Variants in CCDC38 observed in about 807,000 individuals in gnomAD.
CCDC38 encodes coiled-coil domain containing 38, also known as coiled-coil domain-containing protein 38.
Under a neutral mutation model 72.8 loss-of-function variants are expected in CCDC38, and 69 were observed. The ratio of observed to expected loss-of-function variants is 0.95; its 90% confidence interval spans 0.78 to 1.16. The LOEUF (loss-of-function observed/expected upper bound fraction) is 1.16. Ranked by LOEUF, CCDC38 falls within the 50% of genes most tolerant of loss-of-function variation. The probability of loss-of-function intolerance (pLI) is 0.00; values close to 1 mark genes in which losing one functional copy is unlikely to be tolerated. For missense variants in CCDC38, 626 were observed against 638.9 expected, an observed-to-expected ratio of 0.98 and a Z score of 0.22; for synonymous variants, 201 against 213.2, an observed-to-expected ratio of 0.94 and a Z score of 0.50.
At chr12:95,902,407 G>A (rs1242301847) in intron 5 of CCDC38, among the ~76,000 whole-genome samples, 1 of 151,898 alleles carries the variant, frequency 6.6e-6, no homozygotes, top group Non-Finnish European at 1.5e-5. Flanking sequence ...GGCAATTACT[G>A]ACCTGTCTTC....
chr12:95,915,362 GTC>G (rs1565960573), intron 4 of CCDC38, among the ~76,000 whole-genome samples: 1 of 152,238 alleles, frequency 6.6e-6, no homozygotes, highest in Non-Finnish European at 1.5e-5. Flanking sequence ...GCAACAGAGA[GTC>G]CTGCAACTAT....
chr12:95,871,918 A>T (rs1592751403), intron 14 of CCDC38, among the ~76,000 whole-genome samples: 1 of 152,144 alleles, frequency 6.6e-6, no homozygotes, highest in Non-Finnish European at 1.5e-5. Context: ...TCATGTAATT[A>T]CTTATTCATA....
chr12:95,901,548 C>T (rs1344302104), intron 5 of CCDC38, among the ~76,000 whole-genome samples: 1 of 152,066 alleles, frequency 6.6e-6, no homozygotes, highest in Non-Finnish European at 1.5e-5. Flanking sequence ...GGAATGGGCC[C>T]TGGACATTCC....
intron 15 of CCDC38, 148 bp from the exon 16 acceptor site, chr12:95,867,337 A>G: frequency 1.6e-6 from 1 of 608,776 alleles, no homozygotes. Flanking sequence ...GGGACTTATA[A>G]CCTAACGGAT....
chr12:95,869,070 T>C (rs78029503), intron 15 of CCDC38, among the ~76,000 whole-genome samples: 5,509 of 152,292 alleles, frequency 0.036, 220 homozygotes, highest in East Asian at 0.099. Flanking sequence ...TGTGTATGTA[T>C]ATTTCCAGAG....
At chr12:95,904,750 G>A (rs1406869000) in intron 5 of CCDC38, among the ~76,000 whole-genome samples, 1 of 152,186 alleles carries the variant, frequency 6.6e-6, no homozygotes, top group Non-Finnish European at 1.5e-5. Flanking sequence ...CTCTGAGTGT[G>A]ACCCAAAGCC....
intron 1 of CCDC38, 138 bp from the exon 2 acceptor site, chr12:95,936,661 G>C (rs2080397918): frequency 1.8e-6 from 1 of 546,934 alleles, no homozygotes; most frequent in South Asian, 3.6e-5. Context: ...CTTTGACCCA[G>C]CAATTTCAAT....
chr12:95,929,442 C>T (rs1031500588), intron 2 of CCDC38, among the ~76,000 whole-genome samples: 1 of 152,162 alleles, frequency 6.6e-6, no homozygotes, highest in African/African-American at 2.4e-5. Context: ...CACTGTCTGG[C>T]ACTCCCTAGT....
chr12:95,914,239 G>T lies in CCDC38; in HGVS notation c.304+2890C>A, dbSNP rs79144856. Reference sequence around the variant, plus strand: ...ACTCGGAGGCTGGGGCACGAGAATTGCTTAAACCTTGGAGACAGATTTTGC... The same window carrying T: ...ACTCGGAGGCTGGGGCACGAGAATTTCTTAAACCTTGGAGACAGATTTTGC... On this transcript the variant is annotated intron_variant, in intron 4 of 15. Coordinates refer to ENST00000344280, the MANE Select transcript of CCDC38 (RefSeq NM_182496.3). Among the ~76,000 whole-genome samples, 1,244 of 152,316 alleles carry T rather than the reference G, an allele frequency of 8.2e-3. 9 individuals carry two copies. The highest frequency in any genetic ancestry group is 0.013 in the Non-Finnish European group (897 of 68,028).
intron 2 of CCDC38, among the ~76,000 whole-genome samples, chr12:95,929,166 G>C (rs2080308082): frequency 6.6e-6 from 1 of 152,216 alleles, no homozygotes; most frequent in South Asian, 2.1e-4. Flanking sequence ...TTTGATCTCA[G>C]ACTGCCGTGC....
At chr12:95,934,626 T>G (rs777951840) in intron 2 of CCDC38, 1 of 151,576 alleles carries the variant, frequency 6.6e-6, no homozygotes, top group Non-Finnish European at 1.5e-5. Context: ...TCTAATATTC[T>G]GCATTTTGTT....
At chr12:95,905,164 TA>T (rs1168962379) in intron 5 of CCDC38, among the ~76,000 whole-genome samples, 1 of 152,238 alleles carries the variant, frequency 6.6e-6, no homozygotes, top group Non-Finnish European at 1.5e-5. Context: ...TCAAAATTTG[TA>T]TTATTTTGTT....
At chr12:95,906,174 C>A (rs7975424) in intron 5 of CCDC38, among the ~76,000 whole-genome samples, 36 of 152,258 alleles carry the variant, frequency 2.4e-4, no homozygotes, top group African/African-American at 8.4e-4. Flanking sequence ...AATGTAAATC[C>A]TTTGAGAGGC....
chr12:95,906,313 G>A (rs1238385184), intron 5 of CCDC38, 74 bp downstream of exon 5: 1 of 1,097,934 alleles, frequency 9.1e-7, no homozygotes, highest in Non-Finnish European at 1.4e-6. Context: ...CAAGCAAAAT[G>A]TCAAGGTAAA....
chr12:95,925,552 C>T (rs1326355689), intron 2 of CCDC38, among the ~76,000 whole-genome samples: 2 of 152,160 alleles, frequency 1.3e-5, no homozygotes, highest in Admixed American at 6.5e-5. Flanking sequence ...TGCCTGATTG[C>T]CCTGGCCAGA....
chr12:95,872,208 G>A, intron 14 of CCDC38, 47 bp downstream of exon 14: 2 of 1,566,830 alleles, frequency 1.3e-6, no homozygotes, highest in Non-Finnish European at 1.8e-6. Context: ...TGGAATCTGA[G>A]CAAAACCAGC....
At chr12:95,917,589 C>T (rs11108333) in intron 3 of CCDC38, among the ~76,000 whole-genome samples, 13,034 of 152,108 alleles carry the variant, frequency 0.086, 779 homozygotes, top group Non-Finnish European at 0.12. Context: ...TTGGAAATTC[C>T]GGGCTGGGTG....
At chr12:95,885,905 G>A (rs888542957) in intron 10 of CCDC38, 1 of 152,198 alleles carries the variant, frequency 6.6e-6, no homozygotes, top group African/African-American at 2.4e-5. Flanking sequence ...CCAAAGATAA[G>A]TAGCAGTATG....
At position 95,895,076 on chromosome 12, in the gene CCDC38, G is replaced by A; in HGVS notation, c.685C>T (p.Pro229Ser). The change falls in exon 8 of 16, where the codon CCA becomes TCA. Residue 229 changes from proline (P) to serine (S), a missense_variant. By Grantham distance (74) the Pro-to-Ser change is moderately conservative. Coordinates refer to ENST00000344280, the MANE Select transcript of CCDC38 (RefSeq NM_182496.3). Reference protein sequence around the residue: ...KYGFFLLQMSPKHWQIQQALK... With the variant: ...KYGFFLLQMSSKHWQIQQALK... ...GCTTGCTGGATTTGCCAATGTTTTG[G>A]AGACATTTGCAGCAGAAAAAAACCA... 1 of 1,612,984 alleles carries A rather than the reference G, an allele frequency of 6.2e-7. No individual in the cohort carries two copies. Among genetic ancestry groups the A allele is most frequent in the Non-Finnish European group, 8.5e-7 (1 of 1,179,546 alleles).
Sources: allele counts gnomAD v4.1 joint callset (sites outside exome capture counted in the v4.1 genomes callset), GRCh38; gene constraint gnomAD v4.1.1; transcripts MANE v1.5; gene names NCBI Gene and HGNC (gene_info 2026-07-23, HGNC 2026-07-21).